The following KCNMA1 variants were observed in gnomAD, a reference collection of about 807,000 sequenced individuals.
KCNMA1 encodes the protein potassium calcium-activated channel subfamily M alpha 1, also known as Calcium-activated potassium channel subunit alpha-1.
A neutral mutation model predicts 140.0 loss-of-function variants in KCNMA1; 29 were observed. The ratio of observed to expected loss-of-function variants is 0.21; its 90% CI spans 0.15 to 0.28. The LOEUF (loss-of-function observed/expected upper bound fraction) is 0.28, where lower values mean the gene tolerates loss of function less well. Among genes scored for constraint, KCNMA1 ranks in the 10% least tolerant of loss-of-function variants. The pLI is 1.00. For synonymous variants in KCNMA1, 612 were observed against 611.9 expected (o/e 1.00, Z 0.00); for missense variants, 880 against 1,602.2 (o/e 0.55, Z 7.70).
At chr10:77,448,037 C>T (rs934557770) in intron 1 of KCNMA1, among the ~76,000 whole-genome samples, 2 of 152,148 alleles carry the variant, frequency 1.3e-5, no homozygotes, top group African/African-American at 4.8e-5. Flanking sequence ...CAGTGAATGC[C>T]CATCCAAGCT....
chr10:77,470,048 A>G (rs553608434), intron 1 of KCNMA1, among the ~76,000 whole-genome samples: 46 of 152,186 alleles, frequency 3.0e-4, no homozygotes, highest in African/African-American at 1.1e-3. Context: ...CAGTGGTGAG[A>G]AGGAGGCCAG....
intron 1 of KCNMA1, among the ~76,000 whole-genome samples, chr10:77,593,378 C>T (rs2079824947): frequency 6.6e-6 from 1 of 152,204 alleles, no homozygotes; most frequent in African/African-American, 2.4e-5. Flanking sequence ...AGATGCTTTC[C>T]AGTTCTAACA....
chr10:77,198,568 G>A (rs1408663620), intron 3 of KCNMA1, among the ~76,000 whole-genome samples: 1 of 138,428 alleles, frequency 7.2e-6, no homozygotes, highest in Non-Finnish European at 1.5e-5. Context: ...ATATATATGT[G>A]ATATATATAT....
intron 27 of KCNMA1, chr10:76,887,826 T>C: frequency 2.6e-6 from 1 of 392,132 alleles, no homozygotes; most frequent in South Asian, 2.5e-5. Context: ...CACTTTCAAG[T>C]AGCCCAACCG....
chr10:77,322,875 T>G (rs1315161416), intron 2 of KCNMA1, among the ~76,000 whole-genome samples: 1 of 152,138 alleles, frequency 6.6e-6, no homozygotes, highest in Non-Finnish European at 1.5e-5. Context: ...ACAGTCATAT[T>G]TTGCAGTCAT....
At chr10:77,466,732 T>C (rs2098025365) in intron 1 of KCNMA1, among the ~76,000 whole-genome samples, 1 of 152,206 alleles carries the variant, frequency 6.6e-6, no homozygotes, top group Non-Finnish European at 1.5e-5. Flanking sequence ...GGGGAGAATA[T>C]GAGCAAACAA....
chr10:77,072,363 G>A (rs2096245609), intron 14 of KCNMA1, among the ~76,000 whole-genome samples: 1 of 152,176 alleles, frequency 6.6e-6, no homozygotes, highest in South Asian at 2.1e-4. Context: ...GTGGCTGGGC[G>A]ATCAATGCAA....
At chr10:77,559,231 A>G (rs2065543606) in intron 1 of KCNMA1, among the ~76,000 whole-genome samples, 1 of 152,200 alleles carries the variant, frequency 6.6e-6, no homozygotes, top group Admixed American at 6.5e-5. Flanking sequence ...ACCAGGGTGA[A>G]AATATTGAAA....
Position 77,090,436 on chromosome 10 carries a change from C to T in KCNMA1, c.1298G>A (p.Arg433Gln). The change falls in exon 10 of 28, where the codon CGG (arginine) becomes CAG (glutamine). Residue 433 changes from arginine to glutamine, a missense_variant. Physicochemically the swap from Arg to Gln is conservative, Grantham distance 43. Coordinates refer to ENST00000286628, the MANE Select transcript of KCNMA1 (RefSeq NM_001161352.2). ...NFLKDFLHKD[R>Q]DDVNVEIVFL... ...AACGATCTCCACATTGACGTCATCCCGGTCCTTGTGCAGAAAGTCCTTCAG... is the reference window on the plus strand; with the variant it reads ...AACGATCTCCACATTGACGTCATCCTGGTCCTTGTGCAGAAAGTCCTTCAG... 1 of 1,613,842 alleles carries T rather than the reference C, an allele frequency of 6.2e-7. No individual in the cohort carries two copies. The highest frequency in any genetic ancestry group is 8.5e-7 in the Non-Finnish European group (1 of 1,179,744).
chr10:77,338,774 G>A (rs958652029), intron 2 of KCNMA1, among the ~76,000 whole-genome samples: 4 of 152,204 alleles, frequency 2.6e-5, no homozygotes, highest in African/African-American at 7.2e-5. Flanking sequence ...TGAGGCCCCT[G>A]CTCTGACCAC....
chr10:77,073,302 T>C, intron 13 of KCNMA1, 50 bp from the exon 14 acceptor site: 1 of 1,578,920 alleles, frequency 6.3e-7, no homozygotes. Context: ...AATGTTCAAT[T>C]GTTTAACATT....
intron 1 of KCNMA1, among the ~76,000 whole-genome samples, chr10:77,516,753 A>G (rs1362711240): frequency 6.6e-6 from 1 of 152,194 alleles, no homozygotes; most frequent in African/African-American, 2.4e-5. Flanking sequence ...GCTGCAAAGC[A>G]GGTGAAGGGC....
At chr10:77,542,943 T>C (rs2060515067) in intron 1 of KCNMA1, among the ~76,000 whole-genome samples, 1 of 152,040 alleles carries the variant, frequency 6.6e-6, no homozygotes, top group African/African-American at 2.4e-5. Flanking sequence ...ACGGAGAGAG[T>C]TGGGGAAACA....
At chr10:77,528,539 G>T (rs533972437) in intron 1 of KCNMA1, among the ~76,000 whole-genome samples, 1 of 151,618 alleles carries the variant, frequency 6.6e-6, no homozygotes, top group Non-Finnish European at 1.5e-5. Flanking sequence ...GAACCAGGAG[G>T]CAGAGGTTGC....
chr10:77,026,003 A>AC (rs2093426855), intron 16 of KCNMA1, among the ~76,000 whole-genome samples: 1 of 140,256 alleles, frequency 7.1e-6, no homozygotes, highest in African/African-American at 2.6e-5. Flanking sequence ...AAAAAAATAT[A>AC]TATATATATA....
chr10:77,192,597 G>A (rs1516509), intron 3 of KCNMA1, among the ~76,000 whole-genome samples: 1 of 152,010 alleles, frequency 6.6e-6, no homozygotes, highest in African/African-American at 2.4e-5. Context: ...CTGGGGATAA[G>A]GTTACGAATT....
At chr10:77,545,326 T>C (rs1219762736) in intron 1 of KCNMA1, among the ~76,000 whole-genome samples, 3 of 152,250 alleles carry the variant, frequency 2.0e-5, no homozygotes, top group Non-Finnish European at 4.4e-5. Flanking sequence ...TAGACTCATA[T>C]TTAAATGAGT....
intron 1 of KCNMA1, among the ~76,000 whole-genome samples, chr10:77,510,123 C>A (rs1211341578): frequency 1.7e-4 from 26 of 152,150 alleles, no homozygotes; most frequent in Non-Finnish European, 1.5e-5. Context: ...TGGGGATTCA[C>A]ACAGTCCTGG....
intron 2 of KCNMA1, among the ~76,000 whole-genome samples, chr10:77,359,148 G>A (rs2154398320): frequency 6.6e-6 from 1 of 152,282 alleles, no homozygotes; most frequent in Admixed American, 6.5e-5. Flanking sequence ...ATTTAACCCT[G>A]TCCCCTCAAC....
Sources: gnomAD v4.1 joint callset for allele counts (sites outside exome capture counted in the v4.1 genomes callset) on GRCh38, gnomAD v4.1.1 for gene constraint, MANE v1.5 for transcripts, NCBI Gene and HGNC (gene_info 2026-07-23, HGNC 2026-07-21) for gene names.